CACNA1E: variants seen among roughly 807,000 people sequenced by gnomAD.
CACNA1E encodes calcium voltage-gated channel subunit alpha1 E.
A neutral mutation model predicts 259.2 loss-of-function variants in CACNA1E; 40 were observed. The observed-to-expected ratio is 0.15, with a 90% CI of 0.12 to 0.20. The LOEUF is 0.20. CACNA1E is among the 10% of genes least tolerant of loss of function. The probability of loss-of-function intolerance (pLI) is 1.00; values close to 1 mark genes in which losing one functional copy is unlikely to be tolerated. For synonymous variants in CACNA1E, 1,104 were observed against 1,138.5 expected, an observed-to-expected ratio of 0.97 and a Z score of 0.61; for missense variants, 1,874 against 3,040.1, an observed-to-expected ratio of 0.62 and a Z score of 9.02.
intron 43 of CACNA1E, among the ~76,000 whole-genome samples, chr1:181,788,257 G>A (rs914419274): frequency 2.6e-5 from 4 of 152,170 alleles, no homozygotes; most frequent in African/African-American, 9.7e-5. Context: ...GCCTTTGGGT[G>A]CATGTTGGTA....
chr1:181,736,294 G>A lies in CACNA1E; in HGVS notation c.3282G>A (p.Gly1094=), dbSNP rs1314408667. The A allele has an allele frequency of 8.8e-6, 14 of 1,595,242 alleles. No individual in the cohort carries two copies. The highest frequency in any genetic ancestry group is 1.3e-5 in the African/African-American group (1 of 74,650). The stretch of plus-strand genomic sequence containing the variant: ...TTGCAGTTAGCAACAAGACGGATGG[G>A]GAAGCCAGTCCCTTGAAGGAGGCAG... ...TVVHISNKTD[G]EASPLKEAEI... Residue 1094 remains glycine (G), a synonymous_variant, in exon 22 of 48, where the codon GGG becomes GGA. Coordinates refer to ENST00000367573, the MANE Select transcript of CACNA1E (RefSeq NM_001205293.3).
intron 7 of CACNA1E, among the ~76,000 whole-genome samples, chr1:181,668,497 G>T (rs1648473675): frequency 1.3e-5 from 2 of 151,952 alleles, no homozygotes; most frequent in Non-Finnish European, 2.9e-5. Flanking sequence ...CCTTTCTCTG[G>T]GAAAAAATGC....
chr1:181,769,669 G>A (rs1558368643), intron 35 of CACNA1E, among the ~76,000 whole-genome samples: 1 of 152,176 alleles, frequency 6.6e-6, no homozygotes, highest in Non-Finnish European at 1.5e-5. Flanking sequence ...AGTGTGCTCT[G>A]CAGTTAGTTT....
chr1:181,499,268 G>C (rs1174001781), intron 1 of CACNA1E, among the ~76,000 whole-genome samples: 1 of 152,222 alleles, frequency 6.6e-6, no homozygotes, highest in African/African-American at 2.4e-5. Context: ...CTGAGAGGTA[G>C]CTCTTTGAGA....
At chr1:181,355,901 C>A (rs1224058550) in intron 1 of CACNA1E, among the ~76,000 whole-genome samples, 1 of 152,080 alleles carries the variant, frequency 6.6e-6, no homozygotes, top group Non-Finnish European at 1.5e-5. Flanking sequence ...GGAATGAAGA[C>A]CCAATTTGTA....
rs182694753 is a variant in CACNA1E at position 181,590,712 on chromosome 1, G to A, written c.951+9936G>A. ...GGTCACAGCACCTGTGATAGTCAGA[G>A]AGGACCACTTGAATTTCTGTTCTCC... On this transcript the variant is annotated intron_variant, in intron 6 of 47. Coordinates refer to ENST00000367573, the MANE Select transcript of CACNA1E (RefSeq NM_001205293.3). 4.7e-4 allele frequency among the ~76,000 whole-genome samples: 72 copies of A among 152,198 alleles called. 1 individual carries two copies. The highest frequency in any genetic ancestry group is 7.5e-4 in the Non-Finnish European group (51 of 68,014).
At chr1:181,750,391 T>C (rs1657485911) in intron 25 of CACNA1E, 85 bp from the exon 26 acceptor site, 1 of 1,180,868 alleles carries the variant, frequency 8.5e-7, no homozygotes, top group African/African-American at 1.5e-5. Flanking sequence ...GTGTTCTGAC[T>C]GTCTTTCTTC....
At chr1:181,450,022 A>G (rs797003592) in intron 2 of CACNA1E, among the ~76,000 whole-genome samples, 2 of 152,314 alleles carry the variant, frequency 1.3e-5, no homozygotes, top group African/African-American at 4.8e-5. Flanking sequence ...TCTGCAGGCT[A>G]TACAGGAAGC....
intron 37 of CACNA1E, among the ~76,000 whole-genome samples, chr1:181,773,405 A>C (rs1377738578): frequency 6.6e-6 from 1 of 152,180 alleles, no homozygotes; most frequent in Non-Finnish European, 1.5e-5. Context: ...AATAATAGGA[A>C]CATTTTATAC....
rs183891156 is a variant in CACNA1E at position 181,806,362 on chromosome 1, G to A, written c.*7528G>A. ...ACAGGGTCCACACCCTCTGTCCTTC[G>A]GGGCCCATGGTCAGGCCATTCCCTC... On this transcript the variant is annotated 3_prime_UTR_variant, in exon 48 of 48. Transcript: ENST00000367573. The A allele has an allele frequency of 3.3e-5, 5 of 152,356 alleles. No individual in the cohort carries two copies. The highest frequency in any genetic ancestry group is 7.3e-5 in the Non-Finnish European group (5 of 68,072). 9.4% of individuals were successfully genotyped at this position (152,356 alleles called of 1,614,324 possible). A position where few individuals can be genotyped will look rare whatever the true frequency, so the allele number is the denominator to read the frequency against.
intron 25 of CACNA1E, among the ~76,000 whole-genome samples, chr1:181,747,322 G>A (rs1657178458): frequency 6.6e-6 from 1 of 152,252 alleles, no homozygotes; most frequent in South Asian, 2.1e-4. Context: ...TTGAGAAGAG[G>A]GGGCTGGGAG....
chr1:181,603,861 T>C (rs922584862), intron 6 of CACNA1E, among the ~76,000 whole-genome samples: 1 of 152,214 alleles, frequency 6.6e-6, no homozygotes, highest in African/African-American at 2.4e-5. Context: ...TGGTGATATG[T>C]ACTGGCTCAC....
rs116805707 is a variant in CACNA1E at position 181,669,425 on chromosome 1, G to C, written c.1055+17984G>C. Among the ~76,000 whole-genome samples, 1,113 of 152,188 alleles carry C rather than the reference G, an allele frequency of 7.3e-3. 16 individuals are homozygous for C. Among genetic ancestry groups the C allele is most frequent in the African/African-American group, 0.025 (1,034 of 41,498 alleles). ...TGGCTAGAAATAACCAACCCCCACA[G>C]CCACTTCCACCCACTGCTGTATTTG... On this transcript the variant is annotated intron_variant, in intron 7 of 47. Coordinates refer to ENST00000367573, the MANE Select transcript of CACNA1E (RefSeq NM_001205293.3).
chr1:181,538,922 T>G lies in CACNA1E; in HGVS notation c.512+27412T>G, dbSNP rs148186885. Among the ~76,000 whole-genome samples the G allele has an allele frequency of 1.7e-3, 259 of 152,356 alleles. 1 individual carries two copies. The highest frequency in any genetic ancestry group is 5.9e-3 in the African/African-American group (245 of 41,588). On this transcript the variant is annotated intron_variant, in intron 3 of 47. Transcript: ENST00000367573. ...GGTTTCACAAAATGTAATATAATTC[T>G]GCAATTCTTTGCCTAAAGGCTTTCA...
At chr1:181,585,167 A>G (rs937925849) in intron 6 of CACNA1E, among the ~76,000 whole-genome samples, 1 of 152,136 alleles carries the variant, frequency 6.6e-6, no homozygotes, top group Non-Finnish European at 1.5e-5. Flanking sequence ...TGGATCTTGG[A>G]AGTTACTTTC....
intron 18 of CACNA1E, 31 bp from the exon 19 acceptor site, chr1:181,731,142 GGT>G: frequency 6.3e-7 from 1 of 1,588,276 alleles, no homozygotes; most frequent in Non-Finnish European, 8.6e-7. Flanking sequence ...TAGAGGTTGG[GGT>G]GAACTGAACC....
At chr1:181,558,928 G>A (rs551736267) in intron 3 of CACNA1E, among the ~76,000 whole-genome samples, 9 of 152,276 alleles carry the variant, frequency 5.9e-5, no homozygotes, top group South Asian at 4.1e-4. Flanking sequence ...CCTACAAGAC[G>A]GTCTTTTGGG....
intron 1 of CACNA1E, among the ~76,000 whole-genome samples, chr1:181,400,043 C>T (rs1202917442): frequency 2.0e-5 from 3 of 152,114 alleles, no homozygotes; most frequent in African/African-American, 7.2e-5. Context: ...ACAGGTGACC[C>T]AGATAAATAA....
chr1:181,657,955 T>G (rs763894376), intron 7 of CACNA1E, among the ~76,000 whole-genome samples: 1 of 152,230 alleles, frequency 6.6e-6, no homozygotes, highest in Non-Finnish European at 1.5e-5. Context: ...AATGTGCACC[T>G]TCCATAACTC....
Sources: allele counts gnomAD v4.1 joint callset (sites outside exome capture counted in the v4.1 genomes callset), GRCh38; gene constraint gnomAD v4.1.1; transcripts MANE v1.5; gene names NCBI Gene and HGNC (gene_info 2026-07-23, HGNC 2026-07-21).